PCM1: variants seen among roughly 807,000 people sequenced by gnomAD.
PCM1 encodes the protein pericentriolar material 1, also known as pericentriolar material 1 protein.
Under a neutral mutation model 241.9 loss-of-function variants are expected in PCM1, and 157 were observed. The ratio of observed to expected loss-of-function variants is 0.65; its 90% CI spans 0.57 to 0.74. The LOEUF is 0.74. PCM1 is among the 30% of genes least tolerant of loss of function. PCM1 has a pLI of 0.00. For synonymous variants in PCM1, 1,085 were observed against 784.9 expected (o/e 1.38, Z -6.39); for missense variants, 3,478 against 2,360.1 (o/e 1.47, Z -9.81).
chr8:17,970,535 T>C (rs1235894831), intron 22 of PCM1, among the ~76,000 whole-genome samples: 1 of 151,908 alleles, frequency 6.6e-6, no homozygotes, highest in Non-Finnish European at 1.5e-5. Flanking sequence ...GTTGACTCCT[T>C]TTTTTTGGTT....
intron 6 of PCM1, among the ~76,000 whole-genome samples, chr8:17,946,324 ATTTTC>A (rs2063748374): frequency 6.6e-6 from 1 of 152,134 alleles, no homozygotes; most frequent in East Asian, 1.9e-4. Flanking sequence ...AAAATTCGTT[ATTTTC>A]TTAGATGTCT....
At chr8:17,983,202 T>C (rs1162111363) in intron 24 of PCM1, 2 of 1,241,386 alleles carry the variant, frequency 1.6e-6, no homozygotes, top group Admixed American at 2.3e-5. Flanking sequence ...ACACATTTTA[T>C]GTTCATCCTT....
chr8:18,014,661 C>T lies in PCM1; in HGVS notation c.5662C>T (p.His1888Tyr), dbSNP rs2129486305. The T allele has an allele frequency of 6.2e-7, 1 of 1,613,746 alleles. No individual in the cohort carries two copies. The highest frequency in any genetic ancestry group is 2.2e-5 in the East Asian group (1 of 44,854). The change falls in exon 36 of 39, where the codon CAT (histidine) becomes TAT (tyrosine). Residue 1888 changes from histidine to tyrosine, a missense_variant. Coordinates refer to ENST00000325083, the MANE Select transcript of PCM1 (RefSeq NM_006197.4). ...EDEQPLNSAA[H>Y]KESPPTVDST... is the part of the protein sequence containing the mutation. ...TGAGCAACCTTTAAATAGTGCTGCC[C>T]ATAAGGAGTCACCTCCTACTGTTGA...
chr8:17,988,865 T>G (rs988683669), intron 26 of PCM1, among the ~76,000 whole-genome samples: 2 of 151,978 alleles, frequency 1.3e-5, no homozygotes, highest in South Asian at 2.1e-4. Flanking sequence ...CTTATGAGAA[T>G]GTAAAATTGC....
chr8:18,009,490 G>C lies in PCM1; in HGVS notation c.4963-57G>C. On this transcript the variant is annotated intron_variant, in intron 30 of 38. Transcript: ENST00000325083. Reference sequence around the variant, plus strand: ...AGTTTTTCAGTACTTAAAAGTAATAGTATTTTATAATTGAAGTTTACTGTC... The same window carrying C: ...AGTTTTTCAGTACTTAAAAGTAATACTATTTTATAATTGAAGTTTACTGTC... 1.1e-5 allele frequency: 12 copies of C among 1,078,904 alleles called. No homozygotes were observed. In the South Asian group the frequency reaches 1.7e-4, roughly 15 times the overall value. 66.8% of individuals were successfully genotyped at this position (1,078,904 alleles called of 1,614,324 possible).
intron 7 of PCM1, among the ~76,000 whole-genome samples, chr8:17,948,471 A>C (rs35804219): frequency 0.11 from 16,620 of 151,480 alleles, 1,244 homozygotes; most frequent in East Asian, 0.4. Context: ...TGCCTGGCTA[A>C]TTTTTGTATT....
In PCM1 at chr8:17,979,339, G is replaced by A. The variant is rs2079888030; in HGVS notation, c.3944-1252G>A. ...ATAATGGTAGTAAATATTGGAAAAG[G>A]AAGGAAGCAAGTTTTATGTGTTCTT... is the stretch of plus-strand genomic sequence containing the variant. On this transcript the variant is annotated intron_variant, in intron 23 of 38. Coordinates refer to ENST00000325083, the MANE Select transcript of PCM1 (RefSeq NM_006197.4). Among the ~76,000 whole-genome samples the A allele has an allele frequency of 4.6e-5, 7 of 152,156 alleles. No homozygotes were observed. The South Asian group carries it at 1.2e-3, about 27-fold the overall frequency.
At chr8:17,989,181 G>A (rs942630470) in intron 26 of PCM1, among the ~76,000 whole-genome samples, 1 of 151,944 alleles carries the variant, frequency 6.6e-6, no homozygotes, top group Non-Finnish European at 1.5e-5. Flanking sequence ...TGAAAAGTCA[G>A]ACAATGAAGA....
chr8:17,986,093 C>G lies in PCM1; in HGVS notation c.4410+6C>G, dbSNP rs2082491125. On this transcript the variant is annotated splice_donor_region_variant and intron_variant, in intron 26 of 38. Coordinates refer to ENST00000325083, the MANE Select transcript of PCM1 (RefSeq NM_006197.4). ...GCCTTGCTACTACTGATGATGTAAG[C>G]TGATAATGATTAGTGAATTGTAGAT... The G allele has an allele frequency of 6.5e-7, 1 of 1,544,586 alleles. No individual in the cohort carries two copies. The highest frequency in any genetic ancestry group is 2.0e-5 in the Admixed American group (1 of 49,128).
At chr8:17,954,173 A>T (rs1016370206) in intron 9 of PCM1, among the ~76,000 whole-genome samples, 1 of 152,210 alleles carries the variant, frequency 6.6e-6, no homozygotes, top group African/African-American at 2.4e-5. Flanking sequence ...CACGCCTGTA[A>T]TCCCAGCACC....
chr8:18,020,713 A>G (rs1427389808), intron 36 of PCM1, among the ~76,000 whole-genome samples: 1 of 152,252 alleles, frequency 6.6e-6, no homozygotes. Flanking sequence ...ATTCTTTCTC[A>G]GTTTAAGTCA....
chr8:17,967,303 C>CTTT, intron 21 of PCM1, 133 bp downstream of exon 21: 1 of 603,600 alleles, frequency 1.7e-6, no homozygotes, highest in Non-Finnish European at 2.7e-6. Flanking sequence ...AAGTTACAAA[C>CTTT]TCTTTTTTTT....
At chr8:17,935,233 CT>C (rs2060090639) in intron 2 of PCM1, among the ~76,000 whole-genome samples, 1 of 152,240 alleles carries the variant, frequency 6.6e-6, no homozygotes. Context: ...GAGATACTTT[CT>C]TTCCTGGGAG....
intron 28 of PCM1, among the ~76,000 whole-genome samples, chr8:17,992,933 T>TG (rs1374022547): frequency 1.8e-4 from 23 of 126,796 alleles, no homozygotes; most frequent in African/African-American, 5.3e-4. Flanking sequence ...CACTTTTTGA[T>TG]GGTTTTTTTT....
chr8:18,014,753 C>G lies in PCM1; in HGVS notation c.5754C>G (p.Val1918=), dbSNP rs747747860. Residue 1918 remains valine, a synonymous_variant, in exon 36 of 39, where the codon GTC becomes GTG. Coordinates refer to ENST00000325083, the MANE Select transcript of PCM1 (RefSeq NM_006197.4). The part of the protein sequence containing the change: ...LPEMEPLVPR[V]KEVKSAQETP... ...AAATGGAACCCTTAGTGCCTAGAGT[C>G]AAAGAAGTTAAATCTGCTCAGGAAA... 6.2e-7 allele frequency: 1 copy of G among 1,612,716 alleles called. No individual in the cohort carries two copies. The highest frequency in any genetic ancestry group is 2.2e-5 in the East Asian group (1 of 44,838).
At chr8:17,987,677 C>G (rs1265433311) in intron 26 of PCM1, among the ~76,000 whole-genome samples, 1 of 151,740 alleles carries the variant, frequency 6.6e-6, no homozygotes, top group East Asian at 1.9e-4. Flanking sequence ...AACATCTTCC[C>G]TTTACTAATG....
At chr8:17,947,552 C>G (rs1253520967) in intron 7 of PCM1, among the ~76,000 whole-genome samples, 189 bp downstream of exon 7, 1 of 152,204 alleles carries the variant, frequency 6.6e-6, no homozygotes, top group South Asian at 2.1e-4. Flanking sequence ...AACTGGCCAT[C>G]ATACTATACC....
intron 24 of PCM1, among the ~76,000 whole-genome samples, chr8:17,985,060 A>G (rs1429425230): frequency 6.6e-6 from 1 of 151,900 alleles, no homozygotes; most frequent in East Asian, 1.9e-4. Flanking sequence ...CCTTTTCTGT[A>G]ATGAAGTCCA....
At chr8:17,937,782 TCAC>T (rs1374319658) in intron 4 of PCM1, among the ~76,000 whole-genome samples, 1 of 152,104 alleles carries the variant, frequency 6.6e-6, no homozygotes, top group Non-Finnish European at 1.5e-5. Flanking sequence ...CTGTTTATAA[TCAC>T]CAAAATAAAG....
Sources: gnomAD v4.1 joint callset for allele counts (sites outside exome capture counted in the v4.1 genomes callset) on GRCh38, gnomAD v4.1.1 for gene constraint, MANE v1.5 for transcripts, NCBI Gene and HGNC (gene_info 2026-07-23, HGNC 2026-07-21) for gene names.